Variants in DIP2A observed in about 807,000 individuals in gnomAD.
DIP2A encodes the protein disco-interacting protein 2 homolog A.
Under a neutral mutation model 177.4 loss-of-function variants are expected in DIP2A, and 85 were observed. That is an observed-to-expected ratio of 0.48 (90% confidence interval 0.40 to 0.57). The LOEUF (loss-of-function observed/expected upper bound fraction) is 0.57. DIP2A is among the 20% of genes least tolerant of loss of function. DIP2A has a pLI of 0.00. For missense variants in DIP2A, 1,791 were observed against 2,100.2 expected (o/e 0.85, Z 2.88); for synonymous variants, 886 against 881.8 (o/e 1.00, Z -0.08).
At chr21:46,510,627 CTTTTTT>C (rs3060304) in intron 7 of DIP2A, among the ~76,000 whole-genome samples, 14 of 105,698 alleles carry the variant, frequency 1.3e-4, no homozygotes, top group Non-Finnish European at 1.6e-4. Context: ...ATCAAATAAT[CTTTTTT>C]TTTTTTTTTT....
intron 8 of DIP2A, among the ~76,000 whole-genome samples, chr21:46,514,410 T>C (rs2058455318): frequency 6.7e-6 from 1 of 149,554 alleles, no homozygotes; most frequent in Non-Finnish European, 1.5e-5. Context: ...CACTCCAGCC[T>C]GGGCGACAGA....
intron 8 of DIP2A, among the ~76,000 whole-genome samples, chr21:46,516,773 A>C (rs11701815): frequency 6.6e-6 from 1 of 151,670 alleles, no homozygotes; most frequent in Non-Finnish European, 1.5e-5. Flanking sequence ...GATTACAGCC[A>C]TGAGCCACCG....
intron 2 of DIP2A, among the ~76,000 whole-genome samples, chr21:46,486,591 A>G (rs1372267261): frequency 1.3e-5 from 2 of 152,248 alleles, no homozygotes; most frequent in South Asian, 2.1e-4. Flanking sequence ...AGGTTATTTC[A>G]TAAGAGGAAA....
the DIP2A span, among the ~76,000 whole-genome samples, chr21:46,581,082 A>G: frequency 2.0e-5 from 3 of 152,310 alleles, no homozygotes; most frequent in African/African-American, 4.8e-5. Flanking sequence ...AGGTACCCCA[A>G]TCAGTTGTAG....
chr21:46,521,559 G>A (rs1208738788), intron 8 of DIP2A, among the ~76,000 whole-genome samples: 4 of 152,060 alleles, frequency 2.6e-5, no homozygotes, highest in East Asian at 1.9e-4. Context: ...TTGCATTAGC[G>A]CATTATTGAT....
At chr21:46,460,680 A>T (rs912326271) in intron 1 of DIP2A, among the ~76,000 whole-genome samples, 1 of 152,002 alleles carries the variant, frequency 6.6e-6, no homozygotes, top group Non-Finnish European at 1.5e-5. Flanking sequence ...ATTTTTAACA[A>T]TGTTGTGACA....
At chr21:46,519,006 A>T (rs1426881804) in intron 8 of DIP2A, among the ~76,000 whole-genome samples, 2 of 152,208 alleles carry the variant, frequency 1.3e-5, no homozygotes, top group Non-Finnish European at 2.9e-5. Flanking sequence ...CAAGGGGTGG[A>T]TTATTCATAA....
chr21:46,503,586 TC>T (rs1399269758), intron 5 of DIP2A, among the ~76,000 whole-genome samples: 1 of 116,242 alleles, frequency 8.6e-6, no homozygotes, highest in African/African-American at 3.7e-5. Context: ...CTTCCTTCCT[TC>T]CTTCCTTCCT....
intron 1 of DIP2A, among the ~76,000 whole-genome samples, chr21:46,484,483 A>G (rs2056562370): frequency 6.6e-6 from 1 of 152,164 alleles, no homozygotes; most frequent in Non-Finnish European, 1.5e-5. Flanking sequence ...CCAGAATGTC[A>G]TAAAAGTTGA....
intron 5 of DIP2A, among the ~76,000 whole-genome samples, chr21:46,500,685 C>A (rs1383289324): frequency 6.6e-6 from 1 of 152,198 alleles, no homozygotes; most frequent in African/African-American, 2.4e-5. Flanking sequence ...AAAGCTTATT[C>A]AGCATGAAAA....
At chr21:46,512,849 G>A (rs1184477351) in intron 8 of DIP2A, among the ~76,000 whole-genome samples, 1 of 148,494 alleles carries the variant, frequency 6.7e-6, no homozygotes. Context: ...TGTAGAAATG[G>A]GGGGTCTCCC....
At chr21:46,576,113 C>A in the DIP2A span, among the ~76,000 whole-genome samples, 6 of 152,156 alleles carry the variant, frequency 3.9e-5, no homozygotes, top group African/African-American at 1.4e-4. Flanking sequence ...AAGCAAGTGA[C>A]CCCCGATGGC....
intron 5 of DIP2A, among the ~76,000 whole-genome samples, chr21:46,500,747 T>C (rs1242149025): frequency 6.6e-6 from 1 of 152,230 alleles, no homozygotes; most frequent in Non-Finnish European, 1.5e-5. Flanking sequence ...TTTCCAGTGA[T>C]TGTGGGGTGT....
rs1569070009 is a variant in DIP2A at position 46,539,883 on chromosome 21, TCTC to T, written c.1934_1936del (p.Ser645del). 4 of 1,613,820 alleles carry T rather than the reference TCTC, an allele frequency of 2.5e-6. No individual in the cohort carries two copies. The highest frequency in any genetic ancestry group is 2.5e-6 in the Non-Finnish European group (3 of 1,179,744). ...CTCTTGTTGCTCTGTGCAGGGTCGA[TCTC>T]CTCCTGTGACGCCTTCCTCAACGTC... On this transcript the variant is annotated inframe_deletion, in exon 17 of 38. Coordinates refer to ENST00000417564, the MANE Select transcript of DIP2A (RefSeq NM_015151.4).
At chr21:46,540,354 TG>T (rs2059762927) in intron 17 of DIP2A, among the ~76,000 whole-genome samples, 1 of 152,130 alleles carries the variant, frequency 6.6e-6, no homozygotes, top group African/African-American at 2.4e-5. Flanking sequence ...CTGACCTGCC[TG>T]GAGAAGCACC....
intron 1 of DIP2A, among the ~76,000 whole-genome samples, chr21:46,474,084 T>C (rs1053464123): frequency 7.9e-5 from 12 of 152,150 alleles, no homozygotes; most frequent in African/African-American, 2.9e-4. Flanking sequence ...TGGACAGAGC[T>C]GAGCCAATAG....
chr21:46,507,669 CT>C (rs555196191), intron 6 of DIP2A, among the ~76,000 whole-genome samples: 43 of 72,944 alleles, frequency 5.9e-4, no homozygotes, highest in Admixed American at 8.1e-4. Context: ...TCCAACTCTG[CT>C]TTTTTTTTTT....
At chr21:46,496,887 C>T (rs2057386952) in intron 3 of DIP2A, 101 bp from the exon 4 acceptor site, 2 of 1,238,948 alleles carry the variant, frequency 1.6e-6, no homozygotes, top group Non-Finnish European at 2.2e-6. Flanking sequence ...AGCTTCTATT[C>T]CTTTTACCCC....
chr21:46,530,389 G>A, intron 9 of DIP2A, among the ~76,000 whole-genome samples: 1 of 152,082 alleles, frequency 6.6e-6, no homozygotes, highest in South Asian at 2.1e-4. Flanking sequence ...AAAAGACAAA[G>A]AAAAGGGAAG....
Sources: allele counts gnomAD v4.1 joint callset (sites outside exome capture counted in the v4.1 genomes callset), GRCh38; gene constraint gnomAD v4.1.1; transcripts MANE v1.5; gene names NCBI Gene and HGNC (gene_info 2026-07-23, HGNC 2026-07-21).